POLA1: variants seen among roughly 807,000 people sequenced by gnomAD.
POLA1 encodes DNA polymerase alpha 1, catalytic subunit.
Under a neutral mutation model 124.0 loss-of-function variants are expected in POLA1, and 15 were observed. That is an observed-to-expected ratio of 0.12 (90% confidence interval 0.08 to 0.19). The LOEUF (loss-of-function observed/expected upper bound fraction) is 0.19, where lower values mean the gene tolerates loss of function less well. Ranked by LOEUF, POLA1 falls within the 10% of genes least tolerant of loss-of-function variation. POLA1 has a pLI of 1.00. For missense variants in POLA1, 886 were observed against 1,103.4 expected, an observed-to-expected ratio of 0.80 and a Z score of 2.79; for synonymous variants, 408 against 389.4, an observed-to-expected ratio of 1.05 and a Z score of -0.56.
intron 1 of POLA1, 141 bp downstream of exon 1, chrX:24,694,145 G>C: frequency 1.6e-6 from 1 of 609,010 alleles, no homozygotes; most frequent in Non-Finnish European, 2.5e-6. Flanking sequence ...TTCTGGCGTC[G>C]GACCGGGCTT....
intron 34 of POLA1, among the ~76,000 whole-genome samples, chrX:24,859,421 C>G (rs754997093): frequency 1.8e-5 from 2 of 111,778 alleles, no homozygotes; most frequent in Non-Finnish European, 3.8e-5. Context: ...CACACTTTCA[C>G]TCCTGCCATT....
intron 10 of POLA1, among the ~76,000 whole-genome samples, chrX:24,722,541 T>C (rs1477225551): frequency 1.8e-5 from 2 of 112,577 alleles, no homozygotes; most frequent in African/African-American, 6.5e-5. Context: ...AATTATGTTT[T>C]TTGTAAACAC....
chrX:24,971,815 G>C (rs2147273932), intron 36 of POLA1, among the ~76,000 whole-genome samples: 1 of 111,447 alleles, frequency 9.0e-6, no homozygotes, highest in African/African-American at 3.3e-5. Context: ...AGTGTAAAGG[G>C]TGAATTTATC....
intron 26 of POLA1, among the ~76,000 whole-genome samples, chrX:24,800,233 C>T (rs2045683030): frequency 1.8e-5 from 2 of 111,760 alleles, no homozygotes; most frequent in African/African-American, 3.3e-5. Flanking sequence ...TCTATTCTTA[C>T]GGTGAATTGG....
chrX:24,871,290 T>C, intron 34 of POLA1, among the ~76,000 whole-genome samples: 1 of 112,017 alleles, frequency 8.9e-6, no homozygotes, highest in Non-Finnish European at 1.9e-5. Context: ...GTGCCACCCT[T>C]AGAGTGTCTG....
intron 36 of POLA1, among the ~76,000 whole-genome samples, chrX:24,969,488 T>C (rs903364020): frequency 9.0e-6 from 1 of 111,037 alleles, no homozygotes; most frequent in Non-Finnish European, 1.9e-5. Context: ...TCTTCTGAAC[T>C]TGTTTGATTT....
At chrX:24,887,658 G>A (rs947494400) in intron 34 of POLA1, among the ~76,000 whole-genome samples, 1 of 111,183 alleles carries the variant, frequency 9.0e-6, no homozygotes. Flanking sequence ...CTTTGGTAAT[G>A]GTCTTTACTA....
At chrX:24,923,607 G>A (rs1471046112) in intron 35 of POLA1, among the ~76,000 whole-genome samples, 1 of 112,237 alleles carries the variant, frequency 8.9e-6, no homozygotes, top group Non-Finnish European at 1.9e-5. Flanking sequence ...AGATGATAAT[G>A]TGCACCACCA....
At chrX:24,760,506 C>CCAAA (rs1194142204) in intron 26 of POLA1, among the ~76,000 whole-genome samples, 1 of 112,031 alleles carries the variant, frequency 8.9e-6, no homozygotes, top group Non-Finnish European at 1.9e-5. Context: ...CTACTTTTGG[C>CCAAA]AGCCTCGGCT....
At chrX:24,899,414 G>C (rs2047245930) in intron 35 of POLA1, among the ~76,000 whole-genome samples, 1 of 111,630 alleles carries the variant, frequency 9.0e-6, no homozygotes, top group South Asian at 3.8e-4. Flanking sequence ...CAATTGGCCA[G>C]GGACAGGGAG....
chrX:24,700,974 G>A (rs1246623402), intron 2 of POLA1, among the ~76,000 whole-genome samples: 1 of 111,345 alleles, frequency 9.0e-6, no homozygotes, highest in Non-Finnish European at 1.9e-5. Flanking sequence ...AGATTGAGTC[G>A]AAATGACTTT....
At chrX:24,897,364 C>A in intron 35 of POLA1, among the ~76,000 whole-genome samples, 1 of 100,275 alleles carries the variant, frequency 1.0e-5, no homozygotes, top group Middle Eastern at 4.8e-3. Context: ...ACTGCCCCCC[C>A]CCCCACCAAC....
At chrX:24,936,531 TG>T (rs1322513907) in intron 36 of POLA1, among the ~76,000 whole-genome samples, 1 of 111,821 alleles carries the variant, frequency 8.9e-6, no homozygotes, top group African/African-American at 3.2e-5. Flanking sequence ...GGTTGTGTTC[TG>T]TTTTTTGGTT....
At chrX:24,950,324 A>T (rs1455055925) in intron 36 of POLA1, among the ~76,000 whole-genome samples, 1 of 111,859 alleles carries the variant, frequency 8.9e-6, no homozygotes, top group East Asian at 2.8e-4. Context: ...GTAGCTGTTG[A>T]ACACTTGAAT....
intron 26 of POLA1, among the ~76,000 whole-genome samples, chrX:24,804,544 C>T (rs2045768588): frequency 9.0e-6 from 1 of 111,592 alleles, no homozygotes; most frequent in African/African-American, 3.2e-5. Context: ...TCTCTTTTTG[C>T]ATTATTTGTT....
chrX:24,783,171 G>T (rs2045298086), intron 26 of POLA1, among the ~76,000 whole-genome samples: 1 of 110,777 alleles, frequency 9.0e-6, no homozygotes, highest in African/African-American at 3.3e-5. Context: ...ACGAAGTTAA[G>T]ACCCAGTGAT....
chrX:24,718,120 G>A (rs11573327), intron 10 of POLA1, among the ~76,000 whole-genome samples: 4,412 of 111,696 alleles, frequency 0.04, 219 homozygotes, highest in African/African-American at 0.13. Flanking sequence ...TTACAGGAAT[G>A]CACTTTAATT....
chrX:24,939,622 A>G (rs1172536736), intron 36 of POLA1, among the ~76,000 whole-genome samples: 2 of 111,769 alleles, frequency 1.8e-5, no homozygotes, highest in Non-Finnish European at 3.8e-5. Context: ...AAGGCTTTCC[A>G]TGGTTAGTCT....
Position 24,793,134 on chromosome X carries a change from G to A in POLA1, c.2965-16764G>A, listed in dbSNP as rs147742427. 9.7e-3 allele frequency among the ~76,000 whole-genome samples: 1,056 copies of A among 108,828 alleles called. 10 individuals carry two copies. The highest frequency in any genetic ancestry group is 0.034 in the African/African-American group (1,000 of 29,809). The allele number at this position is 108,828 out of a possible 115,157, so 94.5% of individuals were successfully genotyped here. A position where few individuals can be genotyped will look rare whatever the true frequency, so the allele number is the denominator to read the frequency against. On this transcript the variant is annotated intron_variant, in intron 26 of 36. Transcript: ENST00000379068. ...TCTACGAAAAATACAAAAATTAGCC[G>A]GGTGTGGTGGCAGGTGCCTATAATC...
Sources: gnomAD v4.1 joint callset for allele counts (sites outside exome capture counted in the v4.1 genomes callset) on GRCh38, gnomAD v4.1.1 for gene constraint, MANE v1.5 for transcripts, NCBI Gene and HGNC (gene_info 2026-07-23, HGNC 2026-07-21) for gene names.